AXDND1: variants seen among roughly 807,000 people sequenced by gnomAD.
AXDND1 encodes axonemal dynein light chain domain containing 1.
A neutral mutation model predicts 137.5 loss-of-function variants in AXDND1; 110 were observed. The ratio of observed to expected loss-of-function variants is 0.80; its 90% CI spans 0.69 to 0.94. The LOEUF (loss-of-function observed/expected upper bound fraction) is 0.94. Ranked by LOEUF, AXDND1 falls within the 40% of genes least tolerant of loss-of-function variation. The pLI is 0.00. For synonymous variants in AXDND1, 414 were observed against 399.7 expected (o/e 1.04, Z -0.43); for missense variants, 1,191 against 1,169.8 (o/e 1.02, Z -0.26).
intron 17 of AXDND1, 46 bp downstream of exon 17, chr1:179,468,687 G>T (rs1464965744): frequency 1.3e-6 from 2 of 1,487,262 alleles, no homozygotes; most frequent in South Asian, 1.3e-5. Context: ...TTTTCCTAAA[G>T]GTTTGTTGCA....
At chr1:179,378,808 AAATCATTTT>A in intron 5 of AXDND1, 51 bp downstream of exon 5, 2 of 1,345,572 alleles carry the variant, frequency 1.5e-6, no homozygotes, top group East Asian at 5.5e-5. Context: ...CTACTTTTAA[AAATCATTTT>A]AAAATGATTT....
rs541696790 is a variant in AXDND1, at chr1:179,535,315, C to G, written c.3031+353C>G. Among the ~76,000 whole-genome samples the G allele has an allele frequency of 3.2e-4, 48 of 151,990 alleles. 1 individual carries two copies. In the South Asian group the frequency reaches 1.0e-2, roughly 32 times the overall value. On this transcript the variant is annotated intron_variant, in intron 25 of 25. Coordinates refer to ENST00000367618, the MANE Select transcript of AXDND1 (RefSeq NM_144696.6). ...GGTATACATGTGCCATGTTGGTGTG[C>G]TGCACCCATCAACTCATCATTTACA...
At chr1:179,482,919 C>T (rs947198205) in intron 17 of AXDND1, among the ~76,000 whole-genome samples, 5 of 150,812 alleles carry the variant, frequency 3.3e-5, no homozygotes, top group Admixed American at 6.7e-5. Context: ...CATCTTGCTA[C>T]CTACTTGGGG....
intron 25 of AXDND1, among the ~76,000 whole-genome samples, chr1:179,539,687 G>A (rs1671923868): frequency 6.6e-6 from 1 of 152,090 alleles, no homozygotes; most frequent in Admixed American, 6.6e-5. Flanking sequence ...TCTTCTCAAG[G>A]AATATCTTTG....
rs191422009 is a variant in AXDND1 at position 179,404,980 on chromosome 1, T to C, written c.1110-6166T>C. ...TGCAGGTTTGTTACATAGGTATATA[T>C]GTGCCATGGTGGTTTGCTGCACCCA... On this transcript the variant is annotated intron_variant, in intron 11 of 25. Transcript: ENST00000367618. Among the ~76,000 whole-genome samples, 205 of 152,154 alleles carry C rather than the reference T, an allele frequency of 1.3e-3. 2 individuals are homozygous for C. The highest frequency in any genetic ancestry group is 4.7e-3 in the African/African-American group (197 of 41,508).
chr1:179,522,470 A>G (rs1002836630), intron 21 of AXDND1, among the ~76,000 whole-genome samples: 1 of 152,144 alleles, frequency 6.6e-6, no homozygotes. Flanking sequence ...ATTACAGCAT[A>G]GTATAATAGC....
intron 25 of AXDND1, among the ~76,000 whole-genome samples, chr1:179,537,512 C>G (rs1227980551): frequency 1.3e-5 from 2 of 152,112 alleles, no homozygotes; most frequent in East Asian, 3.8e-4. Flanking sequence ...TTTGCATATG[C>G]TGAACCAGCC....
At chr1:179,444,512 T>C (rs1322373551) in intron 15 of AXDND1, among the ~76,000 whole-genome samples, 1 of 152,128 alleles carries the variant, frequency 6.6e-6, no homozygotes, top group Admixed American at 6.5e-5. Flanking sequence ...AAATATTTAT[T>C]GATATGTCAT....
chr1:179,413,769 A>G (rs1479263848), intron 12 of AXDND1, among the ~76,000 whole-genome samples: 2 of 152,238 alleles, frequency 1.3e-5, no homozygotes, highest in African/African-American at 4.8e-5. Flanking sequence ...CACTAGTGGG[A>G]TTGCTGGGTC....
chr1:179,552,560 G>A (rs771086185), intron 25 of AXDND1: 1 of 1,485,726 alleles, frequency 6.7e-7, no homozygotes, highest in East Asian at 2.3e-5. Context: ...CCACGAGCAG[G>A]CCTTCCTAAA....
intron 9 of AXDND1, among the ~76,000 whole-genome samples, chr1:179,387,217 CG>C (rs1649358740): frequency 1.3e-5 from 2 of 151,970 alleles, no homozygotes; most frequent in South Asian, 4.1e-4. Context: ...ATATCACAGA[CG>C]GGGGGTAATT....
chr1:179,395,387 C>G lies in AXDND1; in HGVS notation c.1109+185C>G, dbSNP rs180791151. Among the ~76,000 whole-genome samples, 18 of 152,216 alleles carry G rather than the reference C, an allele frequency of 1.2e-4. No individual in the cohort carries two copies. The East Asian group carries it at 3.3e-3, about 28-fold the overall frequency. On this transcript the variant is annotated intron_variant, in intron 11 of 25. Transcript: ENST00000367618. ...AAGAAGGTAAAACATGATTTTTTCT[C>G]TTGGAGATAGACCGTTGCTTTCTGC...
At chr1:179,443,116 CA>C (rs1218916832) in intron 15 of AXDND1, among the ~76,000 whole-genome samples, 1 of 152,176 alleles carries the variant, frequency 6.6e-6, no homozygotes, top group Non-Finnish European at 1.5e-5. Flanking sequence ...AGCCCAGCGC[CA>C]AGGAGTGATG....
In AXDND1 at chr1:179,419,064, C is replaced by T. The variant is rs192927536; in HGVS notation, c.1230+7798C>T. ...CCTCACTTCCTAGATGGGATGGCGG[C>T]GGGGAAGAGGCCCCCCTCACTTCCT... On this transcript the variant is annotated intron_variant, in intron 12 of 25. Coordinates refer to ENST00000367618, the MANE Select transcript of AXDND1 (RefSeq NM_144696.6). Among the ~76,000 whole-genome samples, 29 of 151,514 alleles carry T rather than the reference C, an allele frequency of 1.9e-4. No homozygotes were observed. In the East Asian group the frequency reaches 4.3e-3, roughly 23 times the overall value.
At chr1:179,455,559 A>G (rs1015455067) in intron 16 of AXDND1, 1 of 143,862 alleles carries the variant, frequency 7.0e-6, no homozygotes, top group African/African-American at 2.6e-5. Flanking sequence ...GCGCCACTGT[A>G]CTCCAGCCTG....
intron 15 of AXDND1, among the ~76,000 whole-genome samples, chr1:179,432,902 C>CA (rs199738366): frequency 0.32 from 44,935 of 142,616 alleles, 6,805 homozygotes; most frequent in Non-Finnish European, 0.33. Context: ...GACTCCATCT[C>CA]AAAAAAAAAA....
At chr1:179,456,615 T>C in intron 16 of AXDND1, 2 of 828,264 alleles carry the variant, frequency 2.4e-6, no homozygotes, top group Non-Finnish European at 2.1e-6. Context: ...ATTATAGCCA[T>C]CCCCACTGCC....
At chr1:179,443,378 C>A (rs1475845072) in intron 15 of AXDND1, among the ~76,000 whole-genome samples, 1 of 152,120 alleles carries the variant, frequency 6.6e-6, no homozygotes, top group African/African-American at 2.4e-5. Flanking sequence ...TTAATAACAT[C>A]TTTTTTTATT....
At chr1:179,512,543 C>T (rs1035566168) in intron 21 of AXDND1, among the ~76,000 whole-genome samples, 12 of 152,032 alleles carry the variant, frequency 7.9e-5, no homozygotes, top group South Asian at 4.2e-4. Flanking sequence ...TTTGGCTATG[C>T]GGGCTCTATT....
Sources: allele counts gnomAD v4.1 joint callset (sites outside exome capture counted in the v4.1 genomes callset), GRCh38; gene constraint gnomAD v4.1.1; transcripts MANE v1.5; gene names NCBI Gene and HGNC (gene_info 2026-07-23, HGNC 2026-07-21).